The following NINL variants were observed in gnomAD, a reference collection of about 807,000 sequenced individuals.
NINL encodes the protein ninein like, also known as ninein-like protein.
Under a neutral mutation model 160.3 loss-of-function variants are expected in NINL, and 153 were observed. That is an observed-to-expected ratio of 0.95 (90% confidence interval 0.84 to 1.09). The LOEUF (loss-of-function observed/expected upper bound fraction) is 1.09, where lower values mean the gene tolerates loss of function less well. Ranked by LOEUF, NINL falls within the 50% of genes least tolerant of loss-of-function variation. The pLI is 0.00. For missense variants in NINL, 1,829 were observed against 1,764.0 expected (o/e 1.04, Z -0.66); for synonymous variants, 800 against 734.8 (o/e 1.09, Z -1.43).
rs536050885 is a variant in NINL at position 25,467,211 on chromosome 20, G to A, written c.3423+178C>T. ...CACCGGCAGATTTGACTGGGGCAGGGGTCTTCACAGCCGTGTTTAGTGTCT... is the reference window on the plus strand; with the variant it reads ...CACCGGCAGATTTGACTGGGGCAGGAGTCTTCACAGCCGTGTTTAGTGTCT... On this transcript the variant is annotated intron_variant, in intron 19 of 23. Transcript: ENST00000278886. 4.6e-5 allele frequency among the ~76,000 whole-genome samples: 7 copies of A among 152,336 alleles called. No homozygotes were observed. The East Asian group carries it at 1.3e-3, about 29-fold the overall frequency.
intron 1 of NINL, among the ~76,000 whole-genome samples, chr20:25,547,207 G>T (rs547080718): frequency 2.0e-5 from 3 of 152,200 alleles, no homozygotes; most frequent in African/African-American, 7.2e-5. Context: ...GGAGGAAAGG[G>T]GCTGGTTACC....
In NINL at chr20:25,453,487, G is replaced by C. The variant is rs572115385; in HGVS notation, c.4113C>G (p.Leu1371=). ...LEEKVRALNK[L]VSRIAPAALS... is the part of the protein sequence containing the mutation. ...GGGCTGCGGGGGCAATCCTACTGAC[G>C]AGTTTGTTGAGAGCGCGAACTTTTT... Residue 1371 remains leucine (L), a synonymous_variant, in exon 24 of 24, where the codon CTC becomes CTG. Coordinates refer to ENST00000278886, the MANE Select transcript of NINL (RefSeq NM_025176.6). 1 of 1,613,304 alleles carries C rather than the reference G, an allele frequency of 6.2e-7. No individual in the cohort carries two copies. The highest frequency in any genetic ancestry group is 1.3e-5 in the African/African-American group (1 of 74,876).
chr20:25,568,255 A>T (rs962675139), intron 1 of NINL, among the ~76,000 whole-genome samples: 1 of 151,800 alleles, frequency 6.6e-6, no homozygotes, highest in African/African-American at 2.4e-5. Context: ...ACAAACTGCC[A>T]TTATTGGCAA....
chr20:25,476,796 T>C lies in NINL; in HGVS notation c.2495A>G (p.Asp832Gly), dbSNP rs1393287090. The C allele has an allele frequency of 6.2e-7, 1 of 1,612,716 alleles. No individual in the cohort carries two copies. The highest frequency in any genetic ancestry group is 8.5e-7 in the Non-Finnish European group (1 of 1,179,928). The change falls in exon 17 of 24, where the codon GAT (aspartate) becomes GGT (glycine). Residue 832 changes from aspartate (D) to glycine (G), a missense_variant. By Grantham distance (94) the Asp-to-Gly change is moderately conservative. Transcript: ENST00000278886. Reference sequence around the variant, plus strand: ...CTGGCCACTTCCTGCCACCAGCCCATCTTTCGGCAGGGCCTGCATCTCTGC... The same window carrying C: ...CTGGCCACTTCCTGCCACCAGCCCACCTTTCGGCAGGGCCTGCATCTCTGC... ...LEAEMQALPK[D>G]GLVAGSGQEG...
chr20:25,505,356 T>C (rs2063943399), intron 5 of NINL, among the ~76,000 whole-genome samples: 1 of 150,830 alleles, frequency 6.6e-6, no homozygotes, highest in Non-Finnish European at 1.5e-5. Context: ...TCACTTTCAG[T>C]TACAAGATGA....
intron 17 of NINL, among the ~76,000 whole-genome samples, chr20:25,473,549 G>A (rs2146476446): frequency 7.1e-6 from 1 of 141,162 alleles, no homozygotes; most frequent in African/African-American, 2.5e-5. Context: ...GGCCAGGCCT[G>A]GTGGCTCAGG....
chr20:25,453,749 C>T (rs2090595037), intron 23 of NINL, 107 bp from the exon 24 acceptor site: 4 of 1,095,602 alleles, frequency 3.7e-6, no homozygotes, highest in Non-Finnish European at 5.1e-6. Context: ...CAGTTTTGGG[C>T]TCTTAGAAAT....
intron 9 of NINL, among the ~76,000 whole-genome samples, chr20:25,497,786 C>A (rs2063787659): frequency 6.6e-6 from 1 of 152,156 alleles, no homozygotes; most frequent in Admixed American, 6.5e-5. Flanking sequence ...CGCTGGCAAG[C>A]GCCTGCACCA....
At chr20:25,582,374 G>A (rs1049910814) in intron 1 of NINL, among the ~76,000 whole-genome samples, 1 of 152,144 alleles carries the variant, frequency 6.6e-6, no homozygotes, top group Admixed American at 6.5e-5. Flanking sequence ...CAGGTGTGGT[G>A]GCTCATACCT....
At chr20:25,504,535 G>A (rs1857490698) in intron 6 of NINL, among the ~76,000 whole-genome samples, 1 of 152,182 alleles carries the variant, frequency 6.6e-6, no homozygotes, top group Admixed American at 6.5e-5. Context: ...GGACAGGCTT[G>A]GGGGCCTTGT....
intron 14 of NINL, 35 bp from the exon 15 acceptor site, chr20:25,480,302 G>A (rs375274008): frequency 1.9e-6 from 3 of 1,577,612 alleles, no homozygotes; most frequent in Non-Finnish European, 1.7e-6. Context: ...TTGTCACACT[G>A]AGGATGCCAC....
chr20:25,480,144 C>T lies in NINL; in HGVS notation c.1917+17G>A, dbSNP rs1205576932. The T allele has an allele frequency of 4.4e-6, 7 of 1,593,054 alleles. No homozygotes were observed. The highest frequency in any genetic ancestry group is 6.0e-6 in the Non-Finnish European group (7 of 1,161,042). ...CAGCTACTCCCCCAGGGCCCCACAG[C>T]CCCATAATCCCCTCACCTTGGTCTC... On this transcript the variant is annotated intron_variant, in intron 15 of 23. Coordinates refer to ENST00000278886, the MANE Select transcript of NINL (RefSeq NM_025176.6).
chr20:25,475,955 C>CA, intron 17 of NINL, 88 bp downstream of exon 17: 4 of 1,386,600 alleles, frequency 2.9e-6, no homozygotes, highest in Non-Finnish European at 4.0e-6. Flanking sequence ...GGAAGGGCCA[C>CA]ATAGCACCAT....
At position 25,504,984 on chromosome 20, in the gene NINL, C is replaced by T. The variant is rs765913085; in HGVS notation, c.612G>A (p.Val204=). The T allele has an allele frequency of 2.5e-5, 41 of 1,613,774 alleles. No individual in the cohort carries two copies. Among genetic ancestry groups the T allele is most frequent in the Non-Finnish European group, 2.9e-5 (34 of 1,180,010 alleles). ...FDTPESQIRG[V]WEELGVGSSG... Reference sequence around the variant, plus strand: ...TGCTGCCCACCCCCAGCTCTTCCCACACGCCCCGGATCTGGCTCTCTGGGG... The same window carrying T: ...TGCTGCCCACCCCCAGCTCTTCCCATACGCCCCGGATCTGGCTCTCTGGGG... The change falls in exon 6 of 24, where the codon GTG becomes GTA. Residue 204 remains valine, a synonymous_variant. Transcript: ENST00000278886.
intron 1 of NINL, among the ~76,000 whole-genome samples, chr20:25,582,115 C>T (rs1600381009): frequency 1.3e-5 from 2 of 152,028 alleles, no homozygotes; most frequent in African/African-American, 4.8e-5. Context: ...ATTAGCTGGG[C>T]ATGGTGGTGT....
At chr20:25,474,214 C>A (rs566651243) in intron 17 of NINL, among the ~76,000 whole-genome samples, 1 of 152,212 alleles carries the variant, frequency 6.6e-6, no homozygotes, top group Non-Finnish European at 1.5e-5. Flanking sequence ...GATGGAAGGA[C>A]GCCTCAAGTC....
chr20:25,547,043 G>A (rs2064742411), intron 1 of NINL, among the ~76,000 whole-genome samples: 1 of 152,158 alleles, frequency 6.6e-6, no homozygotes, highest in Non-Finnish European at 1.5e-5. Flanking sequence ...ATGTGATACT[G>A]TGGTGTGGCA....
intron 1 of NINL, among the ~76,000 whole-genome samples, chr20:25,571,752 A>T (rs1253148326): frequency 1.3e-5 from 2 of 150,544 alleles, no homozygotes; most frequent in Admixed American, 1.3e-4. Flanking sequence ...CTGTAATCCC[A>T]GTTACTCAGG....
At chr20:25,575,843 C>T (rs190426425) in intron 1 of NINL, among the ~76,000 whole-genome samples, 85 of 152,280 alleles carry the variant, frequency 5.6e-4, no homozygotes, top group Admixed American at 9.8e-4. Flanking sequence ...CCTGTTTCCA[C>T]TTTTCCCCTT....
Sources: gnomAD v4.1 joint callset for allele counts (sites outside exome capture counted in the v4.1 genomes callset) on GRCh38, gnomAD v4.1.1 for gene constraint, MANE v1.5 for transcripts, NCBI Gene and HGNC (gene_info 2026-07-23, HGNC 2026-07-21) for gene names.